Variants in CNTNAP2 observed in about 807,000 individuals in gnomAD.
CNTNAP2 encodes contactin associated protein 2.
In CNTNAP2, 98 loss-of-function variants were observed where a neutral mutation model predicts 155.2. The ratio of observed to expected loss-of-function variants is 0.63; its 90% CI spans 0.54 to 0.75. The LOEUF (loss-of-function observed/expected upper bound fraction) is 0.75. CNTNAP2 is among the 30% of genes least tolerant of loss of function. The pLI is 0.00. For missense variants in CNTNAP2, 1,727 were observed against 1,688.1 expected (o/e 1.02, Z -0.40); for synonymous variants, 651 against 631.2 (o/e 1.03, Z -0.47).
intron 1 of CNTNAP2, among the ~76,000 whole-genome samples, chr7:146,369,621 T>C (rs991355913): frequency 6.6e-6 from 1 of 152,178 alleles, no homozygotes; most frequent in Non-Finnish European, 1.5e-5. Flanking sequence ...TAGTAAGTTA[T>C]TTATTAAATT....
In CNTNAP2 at chr7:146,489,653, A is replaced by G. The variant is rs561954557; in HGVS notation, c.98-284618A>G. 4.5e-4 allele frequency among the ~76,000 whole-genome samples: 69 copies of G among 152,218 alleles called. No individual in the cohort carries two copies. The South Asian group carries it at 0.013, about 29-fold the overall frequency. On this transcript the variant is annotated intron_variant, in intron 1 of 23. Coordinates refer to ENST00000361727, the MANE Select transcript of CNTNAP2 (RefSeq NM_014141.6). Reference sequence around the variant, plus strand: ...TTGGCCTGCGTGTGCTACAGCTTGTACCCATGTTCGGCGATTCCCAAGCTC... The same window carrying G: ...TTGGCCTGCGTGTGCTACAGCTTGTGCCCATGTTCGGCGATTCCCAAGCTC...
At chr7:147,616,060 A>ATT (rs146390166) in intron 12 of CNTNAP2, among the ~76,000 whole-genome samples, 3 of 150,694 alleles carry the variant, frequency 2.0e-5, no homozygotes, top group African/African-American at 7.3e-5. Flanking sequence ...TCCTTGTTTC[A>ATT]TTTTTTTTTC....
At chr7:147,514,480 A>G (rs536715727) in intron 11 of CNTNAP2, among the ~76,000 whole-genome samples, 8 of 152,184 alleles carry the variant, frequency 5.3e-5, no homozygotes, top group South Asian at 2.1e-4. Context: ...GCTTTTTAAC[A>G]TAAGAGCCTG....
intron 13 of CNTNAP2, among the ~76,000 whole-genome samples, chr7:147,737,081 G>T (rs1030271827): frequency 6.6e-6 from 1 of 152,162 alleles, no homozygotes; most frequent in African/African-American, 2.4e-5. Context: ...GCATTCCTTT[G>T]GAGGTGGAGA....
At chr7:148,352,570 T>C (rs1798446001) in intron 21 of CNTNAP2, among the ~76,000 whole-genome samples, 1 of 152,164 alleles carries the variant, frequency 6.6e-6, no homozygotes, top group African/African-American at 2.4e-5. Context: ...CTTAGGAATA[T>C]AGAAAGCACA....
chr7:146,440,536 A>G (rs1166944037), intron 1 of CNTNAP2, among the ~76,000 whole-genome samples: 1 of 151,536 alleles, frequency 6.6e-6, no homozygotes, highest in Admixed American at 6.6e-5. Context: ...TAAAGAGAAG[A>G]TGTGAAAATT....
intron 13 of CNTNAP2, among the ~76,000 whole-genome samples, chr7:147,698,598 T>C (rs898972740): frequency 6.6e-6 from 1 of 152,220 alleles, no homozygotes; most frequent in African/African-American, 2.4e-5. Flanking sequence ...GGTCTTGCTC[T>C]ATTGTCAAGT....
chr7:147,433,250 G>A (rs113440934), intron 10 of CNTNAP2, among the ~76,000 whole-genome samples: 5 of 152,228 alleles, frequency 3.3e-5, no homozygotes, highest in Admixed American at 1.3e-4. Flanking sequence ...TTCCGTGGGC[G>A]AATAATTTGC....
intron 3 of CNTNAP2, among the ~76,000 whole-genome samples, chr7:146,971,634 G>A (rs932935927): frequency 3.3e-5 from 5 of 152,078 alleles, no homozygotes; most frequent in Non-Finnish European, 5.9e-5. Flanking sequence ...GTCCTCTGGT[G>A]AGGGTCCTTT....
chr7:146,799,960 TTAAA>T, intron 2 of CNTNAP2, among the ~76,000 whole-genome samples: 1 of 141,614 alleles, frequency 7.1e-6, no homozygotes, highest in African/African-American at 3.0e-5. Flanking sequence ...ACAAAATCTG[TTAAA>T]TAAAAAAAGT....
intron 9 of CNTNAP2, among the ~76,000 whole-genome samples, chr7:147,319,382 G>A (rs2620457): frequency 0.49 from 74,612 of 151,888 alleles, 19,472 homozygotes; most frequent in East Asian, 0.73. Context: ...TATAAGTAAT[G>A]TTATTTTGTT....
chr7:147,869,053 C>T (rs1336926758), intron 13 of CNTNAP2, among the ~76,000 whole-genome samples: 1 of 152,196 alleles, frequency 6.6e-6, no homozygotes, highest in African/African-American at 2.4e-5. Context: ...TCTTCTGCAT[C>T]GATCACACTG....
At chr7:146,497,531 A>C (rs1391468433) in intron 1 of CNTNAP2, among the ~76,000 whole-genome samples, 3 of 152,026 alleles carry the variant, frequency 2.0e-5, no homozygotes, top group African/African-American at 7.2e-5. Flanking sequence ...CTGAGTCTAC[A>C]GTGTACTTCA....
chr7:148,292,299 A>T (rs1382908590), intron 21 of CNTNAP2, among the ~76,000 whole-genome samples: 1 of 152,196 alleles, frequency 6.6e-6, no homozygotes, highest in East Asian at 1.9e-4. Context: ...GATTAGGATA[A>T]AACTAATAGA....
chr7:146,455,158 T>A (rs1399139652), intron 1 of CNTNAP2, among the ~76,000 whole-genome samples: 2 of 152,202 alleles, frequency 1.3e-5, no homozygotes, highest in Non-Finnish European at 2.9e-5. Flanking sequence ...CTTTTGATAA[T>A]GATTATAGGC....
chr7:146,655,725 A>G (rs902468213), intron 1 of CNTNAP2, among the ~76,000 whole-genome samples: 2 of 152,126 alleles, frequency 1.3e-5, no homozygotes, highest in Non-Finnish European at 2.9e-5. Context: ...TGGAAAATGT[A>G]TTGCTATTTG....
intron 13 of CNTNAP2, among the ~76,000 whole-genome samples, chr7:147,744,695 C>G (rs984677574): frequency 6.6e-6 from 1 of 152,198 alleles, no homozygotes; most frequent in Non-Finnish European, 1.5e-5. Context: ...TGAGGGCTCT[C>G]TTCCTGGCTT....
chr7:146,514,311 C>T (rs971191387), intron 1 of CNTNAP2, among the ~76,000 whole-genome samples: 2 of 152,062 alleles, frequency 1.3e-5, no homozygotes, highest in East Asian at 3.9e-4. Context: ...TCTGTGAATA[C>T]TCTTTCTTCT....
chr7:147,171,401 GA>G (rs1802223787), intron 8 of CNTNAP2, among the ~76,000 whole-genome samples: 1 of 152,156 alleles, frequency 6.6e-6, no homozygotes, highest in Non-Finnish European at 1.5e-5. Flanking sequence ...CTCCTGAAAA[GA>G]AAATGTTATG....
Sources: allele counts gnomAD v4.1 joint callset (sites outside exome capture counted in the v4.1 genomes callset), GRCh38; gene constraint gnomAD v4.1.1; transcripts MANE v1.5; gene names NCBI Gene and HGNC (gene_info 2026-07-23, HGNC 2026-07-21).